The following LGALS3 variants were observed in gnomAD, a reference collection of about 807,000 sequenced individuals.
The protein encoded by LGALS3 is galectin 3.
A neutral mutation model predicts 20.7 loss-of-function variants in LGALS3; 18 were observed. The observed-to-expected ratio is 0.87, with a 90% CI of 0.60 to 1.29. The LOEUF (loss-of-function observed/expected upper bound fraction) is 1.29, where lower values mean the gene tolerates loss of function less well. Among genes scored for constraint, LGALS3 ranks in the 50% most tolerant of loss-of-function variants. The pLI, the probability that LGALS3 is intolerant of heterozygous loss-of-function variation, is 0.00. For synonymous variants in LGALS3, 112 were observed against 119.6 expected, an observed-to-expected ratio of 0.94 and a Z score of 0.42; for missense variants, 315 against 314.7, an observed-to-expected ratio of 1.00 and a Z score of -0.01.
In LGALS3 at chr14:55,129,900, G is replaced by A. The variant is rs939372926; in HGVS notation, c.-5+600G>A. Among the ~76,000 whole-genome samples, 20 of 152,236 alleles carry A rather than the reference G, an allele frequency of 1.3e-4. No individual in the cohort carries two copies. Among genetic ancestry groups the A allele is most frequent in the African/African-American group, 4.8e-4 (20 of 41,452 alleles). On this transcript the variant is annotated intron_variant, in intron 1 of 5. Coordinates refer to ENST00000254301, the MANE Select transcript of LGALS3 (RefSeq NM_002306.4). The surrounding 1 kb of genome is among the most constrained non-coding windows in gnomAD (Gnocchi z 5.3). The stretch of plus-strand genomic sequence containing the variant: ...CCCCTTTTGAGCATCAGCTGAGGCT[G>A]GACTTGGAGGAGATCTCGCTGTGGA...
chr14:55,144,216 T>C (rs1372972094), intron 5 of LGALS3, among the ~76,000 whole-genome samples: 4 of 152,142 alleles, frequency 2.6e-5, no homozygotes, highest in African/African-American at 4.8e-5. Context: ...TCACAGCTCA[T>C]TGCAGCCTGT....
intron 1 of LGALS3, among the ~76,000 whole-genome samples, chr14:55,136,225 T>G (rs2140291247): frequency 6.6e-6 from 1 of 152,308 alleles, no homozygotes; most frequent in South Asian, 2.1e-4. Flanking sequence ...ACCCAAATAT[T>G]TTTTTCCTTC....
In LGALS3 at chr14:55,145,213, G is replaced by A. The variant is rs974856973; in HGVS notation, c.695G>A (p.Ser232Asn). The A allele has an allele frequency of 6.2e-7, 1 of 1,613,330 alleles. No individual in the cohort carries two copies. The highest frequency in any genetic ancestry group is 1.3e-5 in the African/African-American group (1 of 74,780). Reference protein sequence around the residue: ...NHRVKKLNEISKLGISGDIDL... With the variant: ...NHRVKKLNEINKLGISGDIDL... ...CGGGTTAAAAAACTCAATGAAATCA[G>A]CAAACTGGGAATTTCTGGTGACATA... is the stretch of plus-strand genomic sequence containing the variant. The change falls in exon 6 of 6, where the codon AGC (serine) becomes AAC (asparagine). Residue 232 changes from serine to asparagine, a missense_variant. Coordinates refer to ENST00000254301, the MANE Select transcript of LGALS3 (RefSeq NM_002306.4).
intron 1 of LGALS3, among the ~76,000 whole-genome samples, chr14:55,132,635 T>C (rs986690369): frequency 6.6e-6 from 1 of 152,188 alleles, no homozygotes; most frequent in African/African-American, 2.4e-5. Context: ...TGGTGCCATC[T>C]TGGCTCACTG....
Position 55,145,105 on chromosome 14 carries a change from T to C in LGALS3, c.598-11T>C, listed in dbSNP as rs1881767101. 3 of 1,610,952 alleles carry C rather than the reference T, an allele frequency of 1.9e-6. No homozygotes were observed. The African/African-American group carries it at 4.0e-5, about 22-fold the overall frequency. On this transcript the variant is annotated splice_polypyrimidine_tract_variant and intron_variant, in intron 5 of 5. Transcript: ENST00000254301. ...TACCTCATGTAACAGTTTATGTATA[T>C]GCCATTTCAGATACAAGTACTGGTT...
Position 55,138,064 on chromosome 14 carries a change from G to T in LGALS3, c.38G>T (p.Gly13Val). 5 of 1,503,276 alleles carry T rather than the reference G, an allele frequency of 3.3e-6. No individual in the cohort carries two copies. The highest frequency in any genetic ancestry group is 4.4e-6 in the Non-Finnish European group (5 of 1,126,950). 93.1% of individuals were successfully genotyped at this position (1,503,276 alleles called of 1,614,324 possible). The change falls in exon 3 of 6, where the codon GGG becomes GTG. Residue 13 changes from glycine (G) to valine (V), a missense_variant. By Grantham distance (109) the Gly-to-Val change is moderately radical. Coordinates refer to ENST00000254301, the MANE Select transcript of LGALS3 (RefSeq NM_002306.4). ...TTCCAGCTCCATGATGCGTTATCTG[G>T]GTCTGGAAACCCAAACCCTCAAGGA... ...DNFSLHDALS[G>V]SGNPNPQGWP...
Position 55,138,176 on chromosome 14 carries a change from C to G in LGALS3, c.150C>G (p.Pro50=), listed in dbSNP as rs773717150. ...SYPGAYPGQA[P]PGAYPGQAPP... ...CTGGGGCCTACCCCGGGCAGGCACC[C>G]CCAGGGGCTTATCCTGGACAGGCAC... Residue 50 remains proline, a synonymous_variant, in exon 3 of 6, where the codon CCC becomes CCG. Transcript: ENST00000254301. 1 of 1,610,462 alleles carries G rather than the reference C, an allele frequency of 6.2e-7. No homozygotes were observed. The highest frequency in any genetic ancestry group is 2.2e-5 in the East Asian group (1 of 44,854).
At chr14:55,144,830 C>G (rs537267116) in intron 5 of LGALS3, among the ~76,000 whole-genome samples, 2 of 151,490 alleles carry the variant, frequency 1.3e-5, no homozygotes, top group African/African-American at 4.8e-5. Context: ...TCCCAAAGTG[C>G]TGGGATTACA....
chr14:55,131,425 C>G (rs148016254), intron 1 of LGALS3, among the ~76,000 whole-genome samples: 26 of 152,258 alleles, frequency 1.7e-4, no homozygotes, highest in African/African-American at 6.0e-4. Context: ...CCTCATTAGC[C>G]AGACTCTAAA....
At chr14:55,138,913 A>G (rs1244526233) in intron 3 of LGALS3, among the ~76,000 whole-genome samples, 1 of 152,226 alleles carries the variant, frequency 6.6e-6, no homozygotes, top group Non-Finnish European at 1.5e-5. Context: ...TGTAAAACAT[A>G]ACTCCATGGG....
intron 1 of LGALS3, among the ~76,000 whole-genome samples, chr14:55,131,307 C>T (rs1352687086): frequency 1.3e-5 from 2 of 152,174 alleles, no homozygotes; most frequent in African/African-American, 4.8e-5. Flanking sequence ...TATGATAGTT[C>T]GCTGTACTAC....
At chr14:55,137,534 A>T in intron 2 of LGALS3, 143 bp downstream of exon 2, 1 of 1,573,344 alleles carries the variant, frequency 6.4e-7, no homozygotes, top group East Asian at 2.2e-5. Context: ...AGGGCTTGCA[A>T]GCTGGAGCCT....
rs968231437 is a variant in LGALS3 at position 55,137,032 on chromosome 14, C to A, written c.-4-338C>A. On this transcript the variant is annotated intron_variant, in intron 1 of 5. Coordinates refer to ENST00000254301, the MANE Select transcript of LGALS3 (RefSeq NM_002306.4). ...CAGGGCAGCAACTATGTCTGGAGGT[C>A]ATTGTCTTTCCTGTCTCAGTAGTAA... Among the ~76,000 whole-genome samples the A allele has an allele frequency of 1.3e-5, 2 of 152,176 alleles. 1 individual carries two copies. The highest frequency in any genetic ancestry group is 1.3e-4 in the Admixed American group (2 of 15,274).
intron 1 of LGALS3, among the ~76,000 whole-genome samples, chr14:55,134,672 A>AT: frequency 6.6e-6 from 1 of 152,354 alleles, no homozygotes; most frequent in East Asian, 1.9e-4. Context: ...AAGGAGGCAC[A>AT]TGCAGAGGAG....
rs1183447232 is a variant in LGALS3, at chr14:55,138,167, GCAGGCACCCCCAGGGGCTTATCCTGGA to G, written c.150_176del (p.Gln57_Gly65del). 18 of 1,605,514 alleles carry G rather than the reference GCAGGCACCCCCAGGGGCTTATCCTGGA, an allele frequency of 1.1e-5. No homozygotes were observed. Among genetic ancestry groups the G allele is most frequent in the Non-Finnish European group, 1.4e-5 (17 of 1,177,160 alleles). On this transcript the variant is annotated inframe_deletion, in exon 3 of 6. Transcript: ENST00000254301. ...CTTCCTATCCTGGGGCCTACCCCGGGCAGGCACCCCCAGGGGCTTATCCTGGACAGGCACCTCCAGGCGCCTACCCTG... is the reference window on the plus strand; with the variant it reads ...CTTCCTATCCTGGGGCCTACCCCGGGCAGGCACCTCCAGGCGCCTACCCTG...
chr14:55,138,393 G>A (rs1881501041), intron 3 of LGALS3, 25 bp downstream of exon 3: 4 of 1,611,304 alleles, frequency 2.5e-6, no homozygotes, highest in African/African-American at 1.3e-5. Context: ...CTTCTTTCAT[G>A]TACTTGACAT....
Position 55,138,033 on chromosome 14 carries a change from C to T in LGALS3, c.19-12C>T. 1 of 1,491,204 alleles carries T rather than the reference C, an allele frequency of 6.7e-7. No individual in the cohort carries two copies. Among genetic ancestry groups the T allele is most frequent in the Non-Finnish European group, 8.9e-7 (1 of 1,120,536 alleles). The allele number at this position is 1,491,204 out of a possible 1,614,324, so 92.4% of individuals were successfully genotyped here. A position where few individuals can be genotyped will look rare whatever the true frequency, so the allele number is the denominator to read the frequency against. ...CTTTCTGTCCCGTAATTGTGTATGT[C>T]TTTCTTTCCAGCTCCATGATGCGTT... On this transcript the variant is annotated splice_polypyrimidine_tract_variant and intron_variant, in intron 2 of 5. Coordinates refer to ENST00000254301, the MANE Select transcript of LGALS3 (RefSeq NM_002306.4).
chr14:55,143,933 C>G (rs1881724168), intron 5 of LGALS3, among the ~76,000 whole-genome samples: 2 of 140,488 alleles, frequency 1.4e-5, no homozygotes, highest in Admixed American at 6.9e-5. Context: ...AGAAGCAAGT[C>G]TTCTAGAAAT....
At chr14:55,143,369 C>G in intron 5 of LGALS3, 1 of 322,226 alleles carries the variant, frequency 3.1e-6, no homozygotes, top group South Asian at 2.3e-5. Context: ...CAAATAAGGA[C>G]CACAGTCTAC....
Sources: allele counts gnomAD v4.1 joint callset (sites outside exome capture counted in the v4.1 genomes callset), GRCh38; gene constraint gnomAD v4.1.1; non-coding constraint Gnocchi (gnomAD v3.1); transcripts MANE v1.5; gene names NCBI Gene and HGNC (gene_info 2026-07-23, HGNC 2026-07-21).